The following ARHGAP44 variants were observed in gnomAD, a reference collection of about 807,000 sequenced individuals.
The protein encoded by ARHGAP44 is Rho GTPase activating protein 44.
ARHGAP44 carries 43 observed loss-of-function variants against 106.8 expected under a neutral mutation model. The observed-to-expected ratio is 0.40, with a 90% CI of 0.32 to 0.52. The LOEUF (loss-of-function observed/expected upper bound fraction) is 0.52. ARHGAP44 is among the 20% of genes least tolerant of loss of function. ARHGAP44 has a pLI of 0.48. For missense variants in ARHGAP44, 866 were observed against 1,050.5 expected (o/e 0.82, Z 2.43); for synonymous variants, 439 against 410.3 (o/e 1.07, Z -0.85).
At chr17:12,961,757 T>C (rs1053650126) in intron 16 of ARHGAP44, among the ~76,000 whole-genome samples, 3 of 152,046 alleles carry the variant, frequency 2.0e-5, no homozygotes, top group Admixed American at 6.6e-5. Flanking sequence ...TTAAATTCAA[T>C]GAAGGTCTTA....
At chr17:12,817,251 G>A (rs1417602246) in intron 1 of ARHGAP44, among the ~76,000 whole-genome samples, 3 of 152,020 alleles carry the variant, frequency 2.0e-5, no homozygotes, top group Non-Finnish European at 2.9e-5. Context: ...AATTTGTGGG[G>A]TGCATCTAAT....
At chr17:12,963,757 G>A (rs1237377633) in intron 16 of ARHGAP44, among the ~76,000 whole-genome samples, 1 of 140,164 alleles carries the variant, frequency 7.1e-6, no homozygotes, top group Non-Finnish European at 1.6e-5. Flanking sequence ...CTCTAGATTG[G>A]TGACCCAGAT....
At chr17:12,946,975 T>C (rs1399189242) in intron 10 of ARHGAP44, among the ~76,000 whole-genome samples, 1 of 152,176 alleles carries the variant, frequency 6.6e-6, no homozygotes, top group African/African-American at 2.4e-5. Flanking sequence ...GTCACTTGCA[T>C]TTTTTCCCTG....
In ARHGAP44 at chr17:12,949,759, G is replaced by A. The variant is rs1567703992; in HGVS notation, c.1055+29G>A. 1 of 1,586,028 alleles carries A rather than the reference G, an allele frequency of 6.3e-7. No homozygotes were observed. The highest frequency in any genetic ancestry group is 8.7e-7 in the Non-Finnish European group (1 of 1,156,056). ...AGTACCCCTTGTTTTGGAATGTCCT[G>A]TGAGTTACAGTTTATTTGGGAGTAT... On this transcript the variant is annotated intron_variant, in intron 12 of 20. Transcript: ENST00000379672. The surrounding 1 kb of genome is among the most constrained non-coding windows in gnomAD (Gnocchi z 4.1).
chr17:12,865,131 G>A (rs892568070), intron 1 of ARHGAP44, among the ~76,000 whole-genome samples: 1 of 152,176 alleles, frequency 6.6e-6, no homozygotes, highest in Non-Finnish European at 1.5e-5. Context: ...GACATTTCCT[G>A]GTGAAATCCT....
At chr17:12,932,869 A>G (rs968338804) in intron 7 of ARHGAP44, among the ~76,000 whole-genome samples, 1 of 152,160 alleles carries the variant, frequency 6.6e-6, no homozygotes, top group South Asian at 2.1e-4. Context: ...GATAGTATAC[A>G]GTTTCTATTC....
chr17:12,867,863 A>AT (rs1315708802), intron 1 of ARHGAP44, among the ~76,000 whole-genome samples: 1 of 152,216 alleles, frequency 6.6e-6, no homozygotes, highest in African/African-American at 2.4e-5. Context: ...CACCTAACGT[A>AT]TAAGAAACCA....
At chr17:12,814,134 T>C (rs2034520974) in intron 1 of ARHGAP44, among the ~76,000 whole-genome samples, 1 of 148,268 alleles carries the variant, frequency 6.7e-6, no homozygotes, top group South Asian at 2.2e-4. Flanking sequence ...TGCTCTTCTC[T>C]TTGGGGTTTT....
At chr17:12,900,539 A>C (rs1567676147) in intron 3 of ARHGAP44, among the ~76,000 whole-genome samples, 1 of 152,224 alleles carries the variant, frequency 6.6e-6, no homozygotes, top group Non-Finnish European at 1.5e-5. Flanking sequence ...TCTCATTAGG[A>C]AGTCATACCC....
intron 1 of ARHGAP44, among the ~76,000 whole-genome samples, chr17:12,850,250 T>G (rs2035699050): frequency 6.6e-6 from 1 of 152,192 alleles, no homozygotes; most frequent in African/African-American, 2.4e-5. Flanking sequence ...AGCTGGCTGA[T>G]AAGGACCTGG....
At chr17:12,971,599 G>A (rs895800949) in intron 16 of ARHGAP44, among the ~76,000 whole-genome samples, 13 of 152,144 alleles carry the variant, frequency 8.5e-5, no homozygotes, top group African/African-American at 9.7e-5. Context: ...TCGGCAGCCC[G>A]CTGTAAATAC....
At chr17:12,839,318 C>T (rs982113659) in intron 1 of ARHGAP44, among the ~76,000 whole-genome samples, 3 of 152,208 alleles carry the variant, frequency 2.0e-5, no homozygotes, top group South Asian at 2.1e-4. Flanking sequence ...GTCCCTCGCT[C>T]TTCCAAGGGA....
intron 1 of ARHGAP44, among the ~76,000 whole-genome samples, chr17:12,816,005 G>T (rs1186403972): frequency 6.6e-6 from 1 of 152,144 alleles, no homozygotes; most frequent in Non-Finnish European, 1.5e-5. Flanking sequence ...TGGAAGCTGA[G>T]CACAGTAGTT....
chr17:12,855,767 G>T (rs533007989), intron 1 of ARHGAP44, among the ~76,000 whole-genome samples: 1 of 152,158 alleles, frequency 6.6e-6, no homozygotes, highest in Non-Finnish European at 1.5e-5. Flanking sequence ...TTGAAGATTT[G>T]AGAAACACTT....
At position 12,949,130 on chromosome 17, in the gene ARHGAP44, C is replaced by A. The variant is rs373687779; in HGVS notation, c.862-10C>A. The A allele has an allele frequency of 5.1e-6, 8 of 1,560,334 alleles. No individual in the cohort carries two copies. In the African/African-American group the frequency reaches 1.1e-4, roughly 21 times the overall value. ...AGTTGCTGTGCGCTGACCCTCTGTC[C>A]TGTTGGTAGGGACTCTTCCGAGTAG... is the stretch of plus-strand genomic sequence containing the variant. On this transcript the variant is annotated splice_polypyrimidine_tract_variant and intron_variant, in intron 10 of 20. Transcript: ENST00000379672. The surrounding 1 kb of genome is among the most constrained non-coding windows in gnomAD (Gnocchi z 4.1).
intron 1 of ARHGAP44, among the ~76,000 whole-genome samples, chr17:12,840,457 A>G (rs182821303): frequency 1.2e-4 from 18 of 152,326 alleles, no homozygotes; most frequent in African/African-American, 3.8e-4. Context: ...CTAGTTGGCC[A>G]TTCTCCTCAT....
At chr17:12,803,819 A>T (rs1210768706) in intron 1 of ARHGAP44, among the ~76,000 whole-genome samples, 1 of 152,158 alleles carries the variant, frequency 6.6e-6, no homozygotes, top group Non-Finnish European at 1.5e-5. Flanking sequence ...GTGGGGAAAA[A>T]AATCCTAGCA....
intron 18 of ARHGAP44, among the ~76,000 whole-genome samples, chr17:12,977,835 C>T (rs762457955): frequency 3.9e-5 from 6 of 151,952 alleles, no homozygotes; most frequent in African/African-American, 7.3e-5. Flanking sequence ...GTCAGGAGAT[C>T]GAGGCCATCC....
At chr17:12,962,071 T>A (rs1196122561) in intron 16 of ARHGAP44, among the ~76,000 whole-genome samples, 1 of 149,234 alleles carries the variant, frequency 6.7e-6, no homozygotes, top group Non-Finnish European at 1.5e-5. Flanking sequence ...TTTGGCCAAG[T>A]TAAAAAAAAA....
Sources: gnomAD v4.1 joint callset for allele counts (sites outside exome capture counted in the v4.1 genomes callset) on GRCh38, gnomAD v4.1.1 for gene constraint, Gnocchi (gnomAD v3.1) non-coding constraint, MANE v1.5 for transcripts, NCBI Gene and HGNC (gene_info 2026-07-23, HGNC 2026-07-21) for gene names.